The following PTPRD variants were observed in gnomAD, a reference collection of about 807,000 sequenced individuals.
PTPRD encodes the protein protein tyrosine phosphatase receptor type D, also known as receptor-type tyrosine-protein phosphatase delta.
A neutral mutation model predicts 214.5 loss-of-function variants in PTPRD; 34 were observed. The observed-to-expected ratio is 0.16, with a 90% CI of 0.12 to 0.21. PTPRD has a LOEUF of 0.21. PTPRD is among the 10% of genes least tolerant of loss of function. The pLI, the probability that PTPRD is intolerant of heterozygous loss-of-function variation, is 1.00. For missense variants in PTPRD, 2,545 were observed against 2,398.7 expected (o/e 1.06, Z -1.27); for synonymous variants, 1,128 against 845.7 (o/e 1.33, Z -5.79).
chr9:10,148,692 T>TG (rs1472973673), intron 3 of PTPRD, among the ~76,000 whole-genome samples: 2 of 152,214 alleles, frequency 1.3e-5, no homozygotes, highest in East Asian at 3.8e-4. Flanking sequence ...CAATTTTGGC[T>TG]GATAGTAGAA....
intron 14 of PTPRD, among the ~76,000 whole-genome samples, chr9:8,538,735 A>C (rs1029458165): frequency 6.6e-6 from 1 of 151,822 alleles, no homozygotes; most frequent in African/African-American, 2.4e-5. Context: ...TTCTTTATAT[A>C]AACTTAGCAA....
At chr9:9,334,258 A>C (rs2043521523) in intron 9 of PTPRD, among the ~76,000 whole-genome samples, 1 of 152,002 alleles carries the variant, frequency 6.6e-6, no homozygotes, top group Non-Finnish European at 1.5e-5. Flanking sequence ...CCTACAATTA[A>C]GATGGCTCAT....
intron 8 of PTPRD, among the ~76,000 whole-genome samples, chr9:9,432,756 T>A (rs1447235582): frequency 2.0e-5 from 3 of 152,200 alleles, no homozygotes; most frequent in African/African-American, 7.2e-5. Flanking sequence ...GCCACTTTAA[T>A]ACCTAAGAAA....
intron 33 of PTPRD, among the ~76,000 whole-genome samples, chr9:8,452,824 C>G (rs1460367700): frequency 6.6e-6 from 1 of 151,968 alleles, no homozygotes; most frequent in Non-Finnish European, 1.5e-5. Context: ...TCACCAGGCT[C>G]TCATCTGGGG....
At chr9:10,087,188 A>C (rs1046095664) in intron 3 of PTPRD, among the ~76,000 whole-genome samples, 2 of 151,346 alleles carry the variant, frequency 1.3e-5, no homozygotes, top group Non-Finnish European at 3.0e-5. Context: ...TATAATAAAG[A>C]CTTCGCAAAA....
intron 35 of PTPRD, 145 bp from the exon 36 acceptor site, chr9:8,404,805 C>T: frequency 9.9e-7 from 1 of 1,010,602 alleles, no homozygotes; most frequent in African/African-American, 1.6e-5. Context: ...TGAAGCTGAA[C>T]ACTAATGTAA....
At position 10,194,317 on chromosome 9, in the gene PTPRD, CATAT is replaced by C. The variant is rs5896377; in HGVS notation, c.-545+146642_-545+146645del. 3.2e-3 allele frequency among the ~76,000 whole-genome samples: 244 copies of C among 75,722 alleles called. 1 individual carries two copies. The highest frequency in any genetic ancestry group is 0.028 in the Middle Eastern group (3 of 108). The allele number at this position is 75,722 out of a possible 152,430, so 49.7% of individuals were successfully genotyped here. On this transcript the variant is annotated intron_variant, in intron 3 of 45. Transcript: ENST00000381196. The stretch of plus-strand genomic sequence containing the variant: ...ATTTGCTGAGCATCATATAGCTATT[CATAT>C]ATATATATATATATATATATATATA...
At chr9:9,623,986 ACT>A (rs1045586646) in intron 7 of PTPRD, among the ~76,000 whole-genome samples, 1 of 152,150 alleles carries the variant, frequency 6.6e-6, no homozygotes, top group African/African-American at 2.4e-5. Context: ...GGGTCTGGAA[ACT>A]CAAAAACAAA....
At chr9:9,452,729 T>C (rs1422471092) in intron 8 of PTPRD, among the ~76,000 whole-genome samples, 2 of 151,370 alleles carry the variant, frequency 1.3e-5, no homozygotes, top group East Asian at 3.9e-4. Context: ...ATCAGATATA[T>C]CACATAATTA....
chr9:10,265,268 G>C (rs537115107), intron 3 of PTPRD, among the ~76,000 whole-genome samples: 5 of 152,068 alleles, frequency 3.3e-5, no homozygotes, highest in Non-Finnish European at 5.9e-5. Flanking sequence ...GCATCTATTT[G>C]AATAAGTCTG....
chr9:8,365,895 C>G (rs1278488385), intron 39 of PTPRD, among the ~76,000 whole-genome samples: 2 of 152,122 alleles, frequency 1.3e-5, no homozygotes, highest in Admixed American at 1.3e-4. Context: ...GAGAGATAGG[C>G]AGAAGATCCA....
In PTPRD at chr9:9,285,540, G is replaced by A. The variant is rs556665300; in HGVS notation, c.-202-102177C>T. Among the ~76,000 whole-genome samples the A allele has an allele frequency of 5.8e-4, 88 of 151,904 alleles. 1 individual carries two copies. Among genetic ancestry groups the A allele is most frequent in the South Asian group, 4.6e-3 (22 of 4,824 alleles). The stretch of plus-strand genomic sequence containing the variant: ...AGTCTAAACCCTTGGTAAGGCATTA[G>A]CAATTGTGCAAGTGCTAAATCTAGT... On this transcript the variant is annotated intron_variant, in intron 9 of 45. Transcript: ENST00000381196.
intron 10 of PTPRD, among the ~76,000 whole-genome samples, chr9:9,116,493 T>C (rs190332468): frequency 3.6e-4 from 55 of 152,162 alleles, no homozygotes; most frequent in Non-Finnish European, 2.9e-4. Context: ...GGCTGAGGGA[T>C]GAAAAGTTAC....
chr9:9,499,895 T>C (rs534064551), intron 8 of PTPRD, among the ~76,000 whole-genome samples: 1 of 152,148 alleles, frequency 6.6e-6, no homozygotes, highest in South Asian at 2.1e-4. Context: ...TAACTGCTGA[T>C]TGCCAATAAA....
intron 9 of PTPRD, among the ~76,000 whole-genome samples, chr9:9,286,589 T>C (rs1382834176): frequency 6.6e-6 from 1 of 151,522 alleles, no homozygotes; most frequent in African/African-American, 2.4e-5. Context: ...TACCCATTTC[T>C]TGATATCACT....
At position 10,397,366 on chromosome 9, in the gene PTPRD, G is replaced by T. The variant is rs574668041; in HGVS notation, c.-599-56349C>A. On this transcript the variant is annotated intron_variant, in intron 2 of 45. Transcript: ENST00000381196. ...GTGTCCCAGCAAGTAACTAGGTCAT[G>T]AAAGTGCTGTACTTGTTACCTAGCA... Among the ~76,000 whole-genome samples, 3 of 152,142 alleles carry T rather than the reference G, an allele frequency of 2.0e-5. No homozygotes were observed. The East Asian group carries it at 5.9e-4, about 30-fold the overall frequency.
At chr9:9,902,142 T>C (rs1444244614) in intron 5 of PTPRD, among the ~76,000 whole-genome samples, 1 of 152,184 alleles carries the variant, frequency 6.6e-6, no homozygotes, top group Non-Finnish European at 1.5e-5. Flanking sequence ...ATATGTGTTT[T>C]CCATCAGCCT....
chr9:8,345,816 GT>G (rs990140542), intron 39 of PTPRD, among the ~76,000 whole-genome samples: 2 of 151,686 alleles, frequency 1.3e-5, no homozygotes, highest in Non-Finnish European at 2.9e-5. Flanking sequence ...GTTTCGTTTT[GT>G]TTTTTTTATT....
chr9:9,240,046 G>T (rs1358252422), intron 9 of PTPRD, among the ~76,000 whole-genome samples: 1 of 152,122 alleles, frequency 6.6e-6, no homozygotes, highest in Admixed American at 6.6e-5. Flanking sequence ...CATAGATTAT[G>T]CTTAGCCTGT....
Sources: allele counts gnomAD v4.1 joint callset (sites outside exome capture counted in the v4.1 genomes callset), GRCh38; gene constraint gnomAD v4.1.1; transcripts MANE v1.5; gene names NCBI Gene and HGNC (gene_info 2026-07-23, HGNC 2026-07-21).